ABLIM2: variants seen among roughly 807,000 people sequenced by gnomAD.
The protein encoded by ABLIM2 is actin-binding LIM protein 2.
Under a neutral mutation model 97.7 loss-of-function variants are expected in ABLIM2, and 53 were observed. That is an observed-to-expected ratio of 0.54 (90% CI 0.44 to 0.68). The LOEUF is 0.68. Ranked by LOEUF, ABLIM2 falls within the 30% of genes least tolerant of loss-of-function variation. The pLI is 0.00. For missense variants in ABLIM2, 835 were observed against 867.2 expected (o/e 0.96, Z 0.47); for synonymous variants, 361 against 345.8 (o/e 1.04, Z -0.49).
intron 16 of ABLIM2, among the ~76,000 whole-genome samples, chr4:7,993,430 T>C (rs1266290020): frequency 6.6e-6 from 1 of 152,214 alleles, no homozygotes; most frequent in Non-Finnish European, 1.5e-5. Context: ...ATGCCTGTAA[T>C]CTTAGAGCTT....
intron 6 of ABLIM2, among the ~76,000 whole-genome samples, chr4:8,065,556 T>G (rs1284142119): frequency 6.6e-6 from 1 of 152,164 alleles, no homozygotes; most frequent in Non-Finnish European, 1.5e-5. Context: ...TTCAAGAAGT[T>G]AAACACAGAA....
At chr4:8,144,601 C>G (rs750030058) in intron 1 of ABLIM2, among the ~76,000 whole-genome samples, 2 of 152,222 alleles carry the variant, frequency 1.3e-5, no homozygotes, top group Non-Finnish European at 2.9e-5. Flanking sequence ...AAGGACACAG[C>G]CTGAGCTCCA....
intron 16 of ABLIM2, among the ~76,000 whole-genome samples, chr4:7,997,720 C>T (rs544075522): frequency 5.5e-4 from 84 of 152,214 alleles, no homozygotes; most frequent in African/African-American, 1.7e-3. Flanking sequence ...GGGGTTGCTG[C>T]GTATTTCCCC....
chr4:8,146,695 A>C (rs576661722), intron 1 of ABLIM2, among the ~76,000 whole-genome samples: 17 of 152,170 alleles, frequency 1.1e-4, no homozygotes, highest in Non-Finnish European at 2.1e-4. Flanking sequence ...ATGCCCAGCT[A>C]ATTTTTTTAT....
At position 7,983,529 on chromosome 4, in the gene ABLIM2, G is replaced by C; in HGVS notation, c.1743+18C>G. The C allele has an allele frequency of 6.2e-7, 1 of 1,613,046 alleles. No homozygotes were observed. Among genetic ancestry groups the C allele is most frequent in the Non-Finnish European group, 8.5e-7 (1 of 1,179,646 alleles). On this transcript the variant is annotated intron_variant, in intron 19 of 20. Transcript: ENST00000447017. ...TGTGGCGCGGCACGGAGGTCAGTGTGGGAGCGGCCCCGCTTACCTTGTATT... is the reference window on the plus strand; with the variant it reads ...TGTGGCGCGGCACGGAGGTCAGTGTCGGAGCGGCCCCGCTTACCTTGTATT...
At chr4:8,000,511 G>A (rs2150173889) in intron 16 of ABLIM2, among the ~76,000 whole-genome samples, 1 of 152,284 alleles carries the variant, frequency 6.6e-6, no homozygotes, top group South Asian at 2.1e-4. Context: ...AGTGCCCAAG[G>A]TCACACAGCA....
chr4:7,982,773 G>A (rs369903692), intron 20 of ABLIM2, among the ~76,000 whole-genome samples: 41 of 151,940 alleles, frequency 2.7e-4, no homozygotes, highest in African/African-American at 8.9e-4. Flanking sequence ...GCGCCATCTC[G>A]GCTCACTGCA....
At chr4:7,989,516 A>G (rs1045421077) in intron 17 of ABLIM2, 3 of 732,698 alleles carry the variant, frequency 4.1e-6, no homozygotes, top group Middle Eastern at 6.8e-4. Flanking sequence ...TTATGCCTCC[A>G]TAATGAATTA....
At chr4:8,030,485 C>T (rs868841456) in intron 10 of ABLIM2, among the ~76,000 whole-genome samples, 2 of 152,194 alleles carry the variant, frequency 1.3e-5, no homozygotes, top group Admixed American at 6.5e-5. Context: ...AAGGCCAGCA[C>T]AGTGATGAGC....
At chr4:8,138,334 G>T (rs182288552) in intron 1 of ABLIM2, among the ~76,000 whole-genome samples, 1 of 152,142 alleles carries the variant, frequency 6.6e-6, no homozygotes, top group East Asian at 1.9e-4. Flanking sequence ...TAGGGTGAGT[G>T]TATTTAATCA....
At chr4:8,078,485 G>A (rs930643741) in intron 5 of ABLIM2, among the ~76,000 whole-genome samples, 4 of 152,196 alleles carry the variant, frequency 2.6e-5, no homozygotes, top group Admixed American at 1.3e-4. Context: ...AGCCGTCTGC[G>A]GGGTCATCCC....
At chr4:8,057,080 CTTTTCT>C in intron 7 of ABLIM2, among the ~76,000 whole-genome samples, 1 of 147,602 alleles carries the variant, frequency 6.8e-6, no homozygotes, top group Non-Finnish European at 1.5e-5. Flanking sequence ...TTTTTCTTTC[CTTTTCT>C]TTTCTTTCTT....
In ABLIM2 at chr4:7,986,916, C is replaced by T. The variant is rs987030564; in HGVS notation, c.1681-2023G>A. ...GAACTCCTGACCTCAGGTGATCCAC[C>T]CGCGTTGGCCTCCCAAAGTGCTGGG... is the stretch of plus-strand genomic sequence containing the variant. On this transcript the variant is annotated intron_variant, in intron 17 of 20. Coordinates refer to ENST00000447017, the MANE Select transcript of ABLIM2 (RefSeq NM_001130083.2). The surrounding 1 kb of genome is among the most constrained non-coding windows in gnomAD (Gnocchi z 4.3). Among the ~76,000 whole-genome samples, 6 of 152,190 alleles carry T rather than the reference C, an allele frequency of 3.9e-5. No individual in the cohort carries two copies. Among genetic ancestry groups the T allele is most frequent in the Non-Finnish European group, 8.8e-5 (6 of 68,040 alleles).
rs190748776 is a variant in ABLIM2 at position 8,068,261 on chromosome 4, C to T, written c.676-7207G>A. ...TCAAAATATATGAGCAACTGAAAGA[C>T]TTTGCAGTGAGTGGTTTTAGGAAGA... On this transcript the variant is annotated intron_variant, in intron 6 of 20. Coordinates refer to ENST00000447017, the MANE Select transcript of ABLIM2 (RefSeq NM_001130083.2). The surrounding 1 kb of genome is among the most constrained non-coding windows in gnomAD (Gnocchi z 4.5). Among the ~76,000 whole-genome samples the T allele has an allele frequency of 4.4e-4, 67 of 152,318 alleles. No homozygotes were observed. The highest frequency in any genetic ancestry group is 1.5e-3 in the South Asian group (7 of 4,822).
intron 20 of ABLIM2, among the ~76,000 whole-genome samples, chr4:7,973,952 G>A (rs114135661): frequency 9.1e-4 from 138 of 152,250 alleles, no homozygotes; most frequent in African/African-American, 1.5e-3. Flanking sequence ...GAAGGAGATC[G>A]CCCTCAATAA....
chr4:8,152,935 C>T (rs891215251), intron 1 of ABLIM2, among the ~76,000 whole-genome samples: 1 of 152,140 alleles, frequency 6.6e-6, no homozygotes, highest in Non-Finnish European at 1.5e-5. Flanking sequence ...CCTGAGACCC[C>T]ACTTCAAGGT....
At chr4:8,006,538 G>C (rs1321659739) in intron 16 of ABLIM2, among the ~76,000 whole-genome samples, 1 of 152,242 alleles carries the variant, frequency 6.6e-6, no homozygotes, top group South Asian at 2.1e-4. Context: ...GAGCAAAGTA[G>C]GGAGGGTGCT....
At chr4:8,096,939 A>T (rs1831946555) in intron 3 of ABLIM2, among the ~76,000 whole-genome samples, 160 bp downstream of exon 3, 1 of 152,188 alleles carries the variant, frequency 6.6e-6, no homozygotes, top group African/African-American at 2.4e-5. Flanking sequence ...TGTATGCACC[A>T]AGACAGAAGG....
intron 8 of ABLIM2, among the ~76,000 whole-genome samples, chr4:8,049,221 A>C (rs1271333459): frequency 6.6e-6 from 1 of 152,258 alleles, no homozygotes; most frequent in Non-Finnish European, 1.5e-5. Context: ...CACAGTGCTC[A>C]ATCCCAGAGC....
Sources: allele counts gnomAD v4.1 joint callset (sites outside exome capture counted in the v4.1 genomes callset), GRCh38; gene constraint gnomAD v4.1.1; non-coding constraint Gnocchi (gnomAD v3.1); transcripts MANE v1.5; gene names NCBI Gene and HGNC (gene_info 2026-07-23, HGNC 2026-07-21).